DLG5: variants seen among roughly 807,000 people sequenced by gnomAD.
DLG5 encodes the protein disks large homolog 5.
A neutral mutation model predicts 189.8 loss-of-function variants in DLG5; 48 were observed. The observed-to-expected ratio is 0.25, with a 90% CI of 0.20 to 0.32. The LOEUF is 0.32. Ranked by LOEUF, DLG5 falls within the 10% of genes least tolerant of loss-of-function variation. The pLI is 1.00. For missense variants in DLG5, 2,160 were observed against 2,544.7 expected (o/e 0.85, Z 3.25); for synonymous variants, 1,016 against 1,054.1 (o/e 0.96, Z 0.70).
intron 27 of DLG5, among the ~76,000 whole-genome samples, chr10:77,797,214 CTG>C (rs1840969539): frequency 6.6e-6 from 1 of 152,346 alleles, no homozygotes; most frequent in African/African-American, 2.4e-5. Flanking sequence ...GCTTAAGCCA[CTG>C]TTATTTGGTT....
chr10:77,906,576 G>C (rs1846074831), intron 1 of DLG5, among the ~76,000 whole-genome samples: 2 of 151,764 alleles, frequency 1.3e-5, no homozygotes, highest in Admixed American at 6.6e-5. Context: ...CTCCCAAGGA[G>C]GTCGACTGTT....
chr10:77,830,571 C>T (rs1004892625), intron 10 of DLG5, among the ~76,000 whole-genome samples, 170 bp downstream of exon 10: 1 of 152,224 alleles, frequency 6.6e-6, no homozygotes, highest in Non-Finnish European at 1.5e-5. Flanking sequence ...TGCCCTTCCC[C>T]AGCTGCAACC....
At position 77,842,157 on chromosome 10, in the gene DLG5, C is replaced by T. The variant is rs529075954; in HGVS notation, c.1161G>A (p.Thr387=). 16 of 1,607,638 alleles carry T rather than the reference C, an allele frequency of 1.0e-5. No homozygotes were observed. Among genetic ancestry groups the T allele is most frequent in the Middle Eastern group, 1.7e-4 (1 of 6,060 alleles). Residue 387 remains threonine (T), a synonymous_variant, in exon 7 of 32, where the codon ACG becomes ACA. Coordinates refer to ENST00000372391, the MANE Select transcript of DLG5 (RefSeq NM_004747.4). ...CCCACTGCAGGTCCTTGTTCTGCGC[C>T]GTGGCCTTGTTCAGCTCATGGTGGA... ...EAIHHELNKA[T]AQNKDLQWEM... is the part of the protein sequence containing the mutation.
chr10:77,853,113 GCTAGGACTA>G (rs1207474738), intron 5 of DLG5, among the ~76,000 whole-genome samples: 1 of 151,906 alleles, frequency 6.6e-6, no homozygotes, highest in Non-Finnish European at 1.5e-5. Flanking sequence ...CTCCTGAGTA[GCTAGGACTA>G]CAGGTGTGCC....
Position 77,817,850 on chromosome 10 carries a change from G to T in DLG5, c.3711C>A (p.His1237Gln), listed in dbSNP as rs756959614. 5.1e-6 allele frequency: 8 copies of T among 1,553,618 alleles called. No homozygotes were observed. The Admixed American group carries it at 1.4e-4, about 27-fold the overall frequency. Residue 1237 changes from histidine to glutamine, a missense_variant, in exon 18 of 32, where the codon CAC (histidine) becomes CAA (glutamine). By Grantham distance (24) the His-to-Gln change is conservative. Transcript: ENST00000372391. ...TCTCGGAGTAGTCGCTGCAGGTCCT[G>T]TGGCTCAGGTCCAGGCTCAGGCGTC... ...HQGRLSLDLS[H>Q]RTCSDYSEMR...
intron 5 of DLG5, among the ~76,000 whole-genome samples, chr10:77,844,032 T>A (rs765543353): frequency 2.0e-5 from 3 of 152,168 alleles, no homozygotes; most frequent in Non-Finnish European, 2.9e-5. Flanking sequence ...ACCCGAACAG[T>A]AAACAGTTCT....
At chr10:77,907,522 T>C (rs1286654602) in intron 1 of DLG5, among the ~76,000 whole-genome samples, 1 of 152,140 alleles carries the variant, frequency 6.6e-6, no homozygotes, top group African/African-American at 2.4e-5. Flanking sequence ...GAGGTGGCCA[T>C]GAGCTGAGAT....
rs1024924365 is a variant in DLG5, at chr10:77,884,492, G to A, written c.305-15295C>T. 3.9e-4 allele frequency among the ~76,000 whole-genome samples: 60 copies of A among 151,984 alleles called. 1 individual carries two copies. Among genetic ancestry groups the A allele is most frequent in the Admixed American group, 3.3e-3 (50 of 15,254 alleles). On this transcript the variant is annotated intron_variant, in intron 1 of 31. Coordinates refer to ENST00000372391, the MANE Select transcript of DLG5 (RefSeq NM_004747.4). ...AGTCGGGCAAGAGTATCTCATCCCC[G>A]GAGCACATTGTTTCTACAGACCTGT...
At chr10:77,923,034 G>A (rs1370871795) in intron 1 of DLG5, among the ~76,000 whole-genome samples, 5 of 152,246 alleles carry the variant, frequency 3.3e-5, no homozygotes, top group African/African-American at 9.6e-5. Flanking sequence ...GCACCCAAGT[G>A]CCAGTGGGGG....
intron 5 of DLG5, among the ~76,000 whole-genome samples, chr10:77,847,679 C>T (rs1293879728): frequency 6.6e-6 from 1 of 152,182 alleles, no homozygotes; most frequent in Non-Finnish European, 1.5e-5. Context: ...CACACACACA[C>T]ACACCTAACT....
intron 1 of DLG5, among the ~76,000 whole-genome samples, chr10:77,901,478 T>A (rs1446924016): frequency 6.6e-6 from 1 of 152,192 alleles, no homozygotes; most frequent in African/African-American, 2.4e-5. Flanking sequence ...CTAACGCCGG[T>A]GTCAGGAAGT....
intron 5 of DLG5, chr10:77,845,516 T>C (rs995525661): frequency 6.6e-6 from 1 of 151,964 alleles, no homozygotes; most frequent in African/African-American, 2.4e-5. Context: ...GAAAGTAAGG[T>C]CTTCCTCTAA....
At chr10:77,804,936 G>A (rs1037333141) in intron 27 of DLG5, among the ~76,000 whole-genome samples, 1 of 152,090 alleles carries the variant, frequency 6.6e-6, no homozygotes, top group African/African-American at 2.4e-5. Context: ...ACCTCTTACT[G>A]AGGCCAGCAA....
At chr10:77,870,770 G>A (rs1438598794) in intron 1 of DLG5, among the ~76,000 whole-genome samples, 1 of 151,952 alleles carries the variant, frequency 6.6e-6, no homozygotes, top group Non-Finnish European at 1.5e-5. Flanking sequence ...GAGGAGAAAT[G>A]AAGAAATGGG....
intron 1 of DLG5, among the ~76,000 whole-genome samples, chr10:77,881,091 G>T (rs979917485): frequency 2.2e-4 from 32 of 147,616 alleles, no homozygotes; most frequent in Admixed American, 1.5e-3. Context: ...TCCTGCCTCA[G>T]CCTCCTGAGT....
intron 2 of DLG5, chr10:77,867,015 A>T (rs758909157): frequency 3.5e-5 from 16 of 457,152 alleles, no homozygotes; most frequent in Non-Finnish European, 7.0e-5. Context: ...TCCAAGAAAC[A>T]CATCAGAGCA....
At chr10:77,911,049 G>GGTTACTT (rs1247301979) in intron 1 of DLG5, among the ~76,000 whole-genome samples, 1 of 150,992 alleles carries the variant, frequency 6.6e-6, no homozygotes, top group Non-Finnish European at 1.5e-5. Flanking sequence ...TGAGAAGAAA[G>GGTTACTT]GTTACTTGGA....
At chr10:77,899,820 C>A (rs1845871441) in intron 1 of DLG5, among the ~76,000 whole-genome samples, 2 of 152,148 alleles carry the variant, frequency 1.3e-5, no homozygotes, top group Admixed American at 6.5e-5. Context: ...ACGAGAAAAC[C>A]AGAAAGAGAC....
chr10:77,910,049 C>T (rs1020278261), intron 1 of DLG5, among the ~76,000 whole-genome samples: 2 of 152,204 alleles, frequency 1.3e-5, no homozygotes, highest in African/African-American at 4.8e-5. Flanking sequence ...CTGCCAGCAT[C>T]AGACCCATTC....
Sources: allele counts gnomAD v4.1 joint callset (sites outside exome capture counted in the v4.1 genomes callset), GRCh38; gene constraint gnomAD v4.1.1; transcripts MANE v1.5; gene names NCBI Gene and HGNC (gene_info 2026-07-23, HGNC 2026-07-21).